The following ARHGEF12 variants were observed in gnomAD, a reference collection of about 807,000 sequenced individuals.
ARHGEF12 encodes Rho guanine nucleotide exchange factor 12.
In ARHGEF12, 66 loss-of-function variants were observed where a neutral mutation model predicts 211.2. The ratio of observed to expected loss-of-function variants is 0.31; its 90% CI spans 0.26 to 0.38. The LOEUF (loss-of-function observed/expected upper bound fraction) is 0.38, where lower values mean the gene tolerates loss of function less well. ARHGEF12 is among the 10% of genes least tolerant of loss of function. The pLI is 1.00. For missense variants in ARHGEF12, 1,429 were observed against 1,869.5 expected (o/e 0.76, Z 4.34); for synonymous variants, 592 against 638.4 (o/e 0.93, Z 1.09).
chr11:120,457,581 AT>A, intron 23 of ARHGEF12, 139 bp from the exon 24 acceptor site: 1 of 586,512 alleles, frequency 1.7e-6, no homozygotes, highest in Non-Finnish European at 2.7e-6. Flanking sequence ...TCTTCAATTT[AT>A]TTTATATTAA....
chr11:120,357,264 G>C (rs1943156307), intron 1 of ARHGEF12, among the ~76,000 whole-genome samples: 1 of 152,100 alleles, frequency 6.6e-6, no homozygotes, highest in African/African-American at 2.4e-5. Flanking sequence ...AAAGTACTGG[G>C]ATTACAGGTG....
intron 1 of ARHGEF12, among the ~76,000 whole-genome samples, chr11:120,386,967 A>G (rs1319906885): frequency 6.6e-6 from 1 of 152,088 alleles, no homozygotes; most frequent in Non-Finnish European, 1.5e-5. Context: ...TTTTATCATG[A>G]TTATTTGACA....
intron 1 of ARHGEF12, among the ~76,000 whole-genome samples, chr11:120,343,741 G>A (rs965455040): frequency 6.6e-6 from 1 of 152,098 alleles, no homozygotes; most frequent in South Asian, 2.1e-4. Context: ...GCAGAAATTG[G>A]AACTATATAA....
intron 1 of ARHGEF12, among the ~76,000 whole-genome samples, chr11:120,345,134 C>G (rs12361632): frequency 0.39 from 58,892 of 152,010 alleles, 11,640 homozygotes; most frequent in African/African-American, 0.42. Context: ...TTTCAGCAGC[C>G]TGAAGCCATG....
intron 26 of ARHGEF12, 46 bp from the exon 27 acceptor site, chr11:120,460,626 C>T: frequency 6.6e-7 from 1 of 1,522,282 alleles, no homozygotes; most frequent in Admixed American, 1.7e-5. Flanking sequence ...GTAATTCTGT[C>T]TACACTGAAT....
intron 33 of ARHGEF12, 39 bp from the exon 34 acceptor site, chr11:120,476,622 G>C: frequency 6.5e-7 from 1 of 1,539,480 alleles, no homozygotes; most frequent in Non-Finnish European, 8.9e-7. Flanking sequence ...GGCCTCCCCA[G>C]GTCATAGTAT....
chr11:120,347,186 T>C (rs1431605272), intron 1 of ARHGEF12, among the ~76,000 whole-genome samples: 3 of 135,888 alleles, frequency 2.2e-5, no homozygotes, highest in Non-Finnish European at 4.7e-5. Flanking sequence ...CTTCCTTCCT[T>C]TCTTTCTTTC....
intron 12 of ARHGEF12, among the ~76,000 whole-genome samples, chr11:120,437,811 A>G (rs1352521115): frequency 6.6e-6 from 1 of 152,166 alleles, no homozygotes; most frequent in Non-Finnish European, 1.5e-5. Flanking sequence ...TACTCATGTA[A>G]AAAGAATGAT....
chr11:120,339,586 TAG>T (rs1442846417), intron 1 of ARHGEF12, among the ~76,000 whole-genome samples: 1 of 152,206 alleles, frequency 6.6e-6, no homozygotes, highest in Non-Finnish European at 1.5e-5. Context: ...CTTTGTTTCG[TAG>T]AGTGTGCAGA....
intron 36 of ARHGEF12, 60 bp downstream of exon 36, chr11:120,477,586 C>T (rs756852457): frequency 4.0e-6 from 6 of 1,501,768 alleles, no homozygotes; most frequent in South Asian, 1.2e-5. Context: ...AAATGCTGGC[C>T]GGATGTGGTG....
intron 1 of ARHGEF12, among the ~76,000 whole-genome samples, chr11:120,405,264 T>C (rs1944665335): frequency 6.6e-6 from 1 of 152,178 alleles, no homozygotes. Context: ...AATCTTTACA[T>C]AAAATGCCAT....
chr11:120,398,290 G>A (rs1003704716), intron 1 of ARHGEF12, among the ~76,000 whole-genome samples: 1 of 152,202 alleles, frequency 6.6e-6, no homozygotes, highest in Non-Finnish European at 1.5e-5. Flanking sequence ...TTGTAGAGCA[G>A]TGATTCCCAA....
At chr11:120,385,611 T>A (rs1944006592) in intron 1 of ARHGEF12, 1 of 466,532 alleles carries the variant, frequency 2.1e-6, no homozygotes, top group Non-Finnish European at 2.8e-6. Flanking sequence ...AGGATATTTT[T>A]ACATTGTTCA....
At chr11:120,351,619 C>G (rs1311460355) in intron 1 of ARHGEF12, among the ~76,000 whole-genome samples, 4 of 150,504 alleles carry the variant, frequency 2.7e-5, no homozygotes, top group African/African-American at 9.8e-5. Flanking sequence ...TATAGGCACC[C>G]GCCACCACGC....
intron 2 of ARHGEF12, among the ~76,000 whole-genome samples, chr11:120,407,385 G>A (rs149343687): frequency 1.1e-4 from 16 of 152,198 alleles, no homozygotes; most frequent in Non-Finnish European, 2.2e-4. Context: ...ATGTAGAGTT[G>A]GAGAATGGGT....
intron 6 of ARHGEF12, among the ~76,000 whole-genome samples, chr11:120,422,948 TAAA>T (rs1283778974): frequency 6.6e-6 from 1 of 152,126 alleles, no homozygotes; most frequent in Non-Finnish European, 1.5e-5. Context: ...TTTGATTACT[TAAA>T]ATCAAATTAT....
intron 31 of ARHGEF12, 61 bp downstream of exon 31, chr11:120,473,188 G>C (rs1284258779): frequency 1.4e-6 from 2 of 1,432,766 alleles, no homozygotes; most frequent in African/African-American, 2.8e-5. Flanking sequence ...GACCTGGCAG[G>C]TAATTAACAT....
intron 1 of ARHGEF12, among the ~76,000 whole-genome samples, chr11:120,338,758 T>C (rs1942436051): frequency 6.6e-6 from 1 of 152,186 alleles, no homozygotes; most frequent in African/African-American, 2.4e-5. Flanking sequence ...GGAACTAATG[T>C]AATGTTGGTT....
At chr11:120,405,209 A>G (rs905505959) in intron 1 of ARHGEF12, among the ~76,000 whole-genome samples, 2 of 152,164 alleles carry the variant, frequency 1.3e-5, no homozygotes, top group African/African-American at 2.4e-5. Flanking sequence ...TTAAAACCCT[A>G]GTTTTACTGA....
Sources: allele counts gnomAD v4.1 joint callset (sites outside exome capture counted in the v4.1 genomes callset), GRCh38; gene constraint gnomAD v4.1.1; transcripts MANE v1.5; gene names NCBI Gene and HGNC (gene_info 2026-07-23, HGNC 2026-07-21).